CAPN10: variants seen among roughly 807,000 people sequenced by gnomAD.
CAPN10 encodes calpain-10.
CAPN10 carries 71 observed loss-of-function variants against 78.4 expected under a neutral mutation model. That is an observed-to-expected ratio of 0.91 (90% CI 0.75 to 1.10). CAPN10 has a LOEUF of 1.10. Among genes scored for constraint, CAPN10 ranks in the 50% least tolerant of loss-of-function variants. The probability of loss-of-function intolerance (pLI) is 0.00; values close to 1 mark genes in which losing one functional copy is unlikely to be tolerated. For missense variants in CAPN10, 849 were observed against 924.6 expected, an observed-to-expected ratio of 0.92 and a Z score of 1.06; for synonymous variants, 437 against 407.2, an observed-to-expected ratio of 1.07 and a Z score of -0.88.
rs200682095 is a variant in CAPN10, at chr2:240,595,045, G to A, written c.1019G>A (p.Arg340Gln). ...CTAGAGAGGCTGCTCTGCCATACGC[G>A]GGCGCTGCCTGGGGCCTGGGTCAAG... ...LYTERLLCHTRALPGAWVKGQ... is the reference protein window; with the variant it reads ...LYTERLLCHTQALPGAWVKGQ... Residue 340 changes from arginine (R) to glutamine (Q), a missense_variant, in exon 7 of 12, where the codon CGG (arginine) becomes CAG (glutamine). Physicochemically the swap from Arg to Gln is conservative, Grantham distance 43. Coordinates refer to ENST00000391984, the MANE Select transcript of CAPN10 (RefSeq NM_023083.4). 426 of 1,613,096 alleles carry A rather than the reference G, an allele frequency of 2.6e-4. No individual in the cohort carries two copies. The highest frequency in any genetic ancestry group is 3.4e-4 in the Non-Finnish European group (398 of 1,180,024).
rs1451794210 is a variant in CAPN10 at position 240,596,746 on chromosome 2, C to T, written c.1547C>T (p.Thr516Ile). 7 of 1,603,476 alleles carry T rather than the reference C, an allele frequency of 4.4e-6. No homozygotes were observed. In the Admixed American group the frequency reaches 1.2e-4, roughly 27 times the overall value. Residue 516 changes from threonine (T) to isoleucine (I), a missense_variant, in exon 9 of 12, where the codon ACC becomes ATC. Coordinates refer to ENST00000391984, the MANE Select transcript of CAPN10 (RefSeq NM_023083.4). The part of the protein sequence containing the change: ...GAALPAGEWG[T>I]VQLRGSWRVG... ...GCCCTGCCTGCGGGGGAGTGGGGGACCGTGCAGCTACGGGGTTCTTGGAGA... is the reference window on the plus strand; with the variant it reads ...GCCCTGCCTGCGGGGGAGTGGGGGATCGTGCAGCTACGGGGTTCTTGGAGA...
rs1224676682 is a variant in CAPN10, at chr2:240,591,120, C to G, written c.470+109C>G. ...TCACTCTGGGCTGCAGAGCCCCCTT[C>G]AGTTCTGAGGGTCTGGCAGCTCATT... is the stretch of plus-strand genomic sequence containing the variant. On this transcript the variant is annotated intron_variant, in intron 3 of 11. Coordinates refer to ENST00000391984, the MANE Select transcript of CAPN10 (RefSeq NM_023083.4). The G allele has an allele frequency of 1.9e-5, 19 of 975,332 alleles. 1 individual carries two copies. In the East Asian group the frequency reaches 3.9e-4, roughly 20 times the overall value. The allele number at this position is 975,332 out of a possible 1,614,324, so 60.4% of individuals were successfully genotyped here.
At chr2:240,593,079 G>T (rs1024532231) in intron 4 of CAPN10, among the ~76,000 whole-genome samples, 2 of 152,214 alleles carry the variant, frequency 1.3e-5, no homozygotes, top group Non-Finnish European at 2.9e-5. Context: ...CGCCAGCCCC[G>T]CTGGGGTGCC....
rs1233474213 is a variant in CAPN10 at position 240,587,046 on chromosome 2, GC to G, written c.139del (p.Gln47ArgfsTer19). 3 of 1,433,636 alleles carry G rather than the reference GC, an allele frequency of 2.1e-6. No homozygotes were observed. 88.8% of individuals were successfully genotyped at this position (1,433,636 alleles called of 1,614,324 possible). The part of the protein sequence containing the change: ...QFREDITWRR[P>X]QEICATPRLF... ...TCCGCGAGGACATCACGTGGAGGCG[GC>G]CCCAGGTGGGGCCGTGTGGGGTGCG... On this transcript the variant is annotated frameshift_variant, in exon 1 of 12. Coordinates refer to ENST00000391984, the MANE Select transcript of CAPN10 (RefSeq NM_023083.4). LOFTEE classifies it high-confidence loss of function.
At chr2:240,588,258 A>G (rs1291027075) in intron 1 of CAPN10, among the ~76,000 whole-genome samples, 1 of 151,600 alleles carries the variant, frequency 6.6e-6, no homozygotes, top group Non-Finnish European at 1.5e-5. Context: ...GTGGATACGG[A>G]GCAGGGATAG....
chr2:240,595,454 T>A, intron 7 of CAPN10, 150 bp downstream of exon 7: 1 of 811,366 alleles, frequency 1.2e-6, no homozygotes, highest in Non-Finnish European at 1.9e-6. Context: ...TTGCACGGGG[T>A]TGACGTCTGC....
intron 1 of CAPN10, among the ~76,000 whole-genome samples, chr2:240,587,319 T>C (rs1189873371): frequency 6.6e-6 from 1 of 152,232 alleles, no homozygotes; most frequent in African/African-American, 2.4e-5. Context: ...CTCAGAGCGC[T>C]GCGAGAGGCG....
At chr2:240,592,348 TTCTCTCCCC>T in intron 4 of CAPN10, 198 bp downstream of exon 4, 1 of 671,678 alleles carries the variant, frequency 1.5e-6, no homozygotes, top group Non-Finnish European at 2.8e-6. Flanking sequence ...GACGTGGCCC[TTCTCTCCCC>T]TGACCAGTCC....
chr2:240,597,503 G>A (rs1305909599), intron 9 of CAPN10, among the ~76,000 whole-genome samples: 1 of 152,232 alleles, frequency 6.6e-6, no homozygotes, highest in Non-Finnish European at 1.5e-5. Context: ...GGAAGGCACT[G>A]CAACCCTCGG....
At chr2:240,596,295 T>C (rs373039172) in intron 7 of CAPN10, 24 bp from the exon 8 acceptor site, 100 of 1,586,406 alleles carry the variant, frequency 6.3e-5, no homozygotes, top group Non-Finnish European at 6.2e-5. Context: ...TCCTCCACAC[T>C]GAGCCTCCTG....
rs375182428 is a variant in CAPN10 at position 240,597,876 on chromosome 2, C to A, written c.1744-12C>A. The A allele has an allele frequency of 1.9e-6, 3 of 1,579,506 alleles. No homozygotes were observed. The East Asian group carries it at 7.0e-5, about 37-fold the overall frequency. On this transcript the variant is annotated splice_polypyrimidine_tract_variant and intron_variant, in intron 9 of 11. Coordinates refer to ENST00000391984, the MANE Select transcript of CAPN10 (RefSeq NM_023083.4). ...GGCTGGCCCCCTCAGTCTGAGCCTGCGCTTTCCTCAGGTCCCAGAGGGTGG... is the reference window on the plus strand; with the variant it reads ...GGCTGGCCCCCTCAGTCTGAGCCTGAGCTTTCCTCAGGTCCCAGAGGGTGG...
chr2:240,596,132 G>A (rs1310777250), intron 7 of CAPN10, 187 bp from the exon 8 acceptor site: 1 of 1,511,304 alleles, frequency 6.6e-7, no homozygotes, highest in Non-Finnish European at 8.9e-7. Flanking sequence ...TGGCGCCAGG[G>A]CCAAGTGAAG....
chr2:240,592,494 G>A (rs192967632), intron 4 of CAPN10: 12 of 521,254 alleles, frequency 2.3e-5, no homozygotes, highest in East Asian at 1.1e-4. Flanking sequence ...GATAACATTC[G>A]TTAAAAACAG....
chr2:240,594,016 C>T lies in CAPN10; in HGVS notation c.799C>T (p.Arg267Trp), dbSNP rs775291536. 2.5e-5 allele frequency: 41 copies of T among 1,608,870 alleles called. No individual in the cohort carries two copies. Among genetic ancestry groups the T allele is most frequent in the Non-Finnish European group, 3.1e-5 (36 of 1,177,020 alleles). ...GCTGCGGATCCAGAACCCCTGGGGCCGGCGGTGCTGGCAGGGGCTCTGGAG... is the reference window on the plus strand; with the variant it reads ...GCTGCGGATCCAGAACCCCTGGGGCTGGCGGTGCTGGCAGGGGCTCTGGAG... ...LLLRIQNPWGRRCWQGLWREG... is the reference protein window; with the variant it reads ...LLLRIQNPWGWRCWQGLWREG... The change falls in exon 5 of 12, where the codon CGG becomes TGG. Residue 267 changes from arginine (R) to tryptophan (W), a missense_variant. Coordinates refer to ENST00000391984, the MANE Select transcript of CAPN10 (RefSeq NM_023083.4).
rs139964868 is a variant in CAPN10 at position 240,596,909 on chromosome 2, C to T, written c.1710C>T (p.Thr570=). ...TLHQHCRPSD[T]EFHPIGFHIF... ...ATCAGCACTGCCGGCCCAGTGACAC[C>T]GAGTTCCACCCCATCGGCTTCCATA... is the stretch of plus-strand genomic sequence containing the variant. Residue 570 remains threonine (T), a synonymous_variant, in exon 9 of 12, where the codon ACC becomes ACT. Transcript: ENST00000391984. 503 of 1,613,590 alleles carry T rather than the reference C, an allele frequency of 3.1e-4. 1 individual carries two copies. In the African/African-American group the frequency reaches 5.8e-3, roughly 19 times the overall value.
chr2:240,598,618 A>G (rs539081403), intron 11 of CAPN10, 33 bp from the exon 12 acceptor site: 1 of 1,566,802 alleles, frequency 6.4e-7, no homozygotes, highest in Non-Finnish European at 8.7e-7. Context: ...GGCGAGTGCC[A>G]CCGCTGCCCG....
At chr2:240,596,047 A>T (rs1366187969) in intron 7 of CAPN10, 2 of 1,510,834 alleles carry the variant, frequency 1.3e-6, no homozygotes, top group African/African-American at 2.8e-5. Flanking sequence ...AGCAGCCCCC[A>T]GGTTGCCTGG....
At chr2:240,587,683 G>C (rs1242593634) in intron 1 of CAPN10, among the ~76,000 whole-genome samples, 1 of 152,250 alleles carries the variant, frequency 6.6e-6, no homozygotes, top group Non-Finnish European at 1.5e-5. Flanking sequence ...GGAACTTCTG[G>C]GCTCTCGTGA....
intron 7 of CAPN10, chr2:240,595,929 GACAGGGTGTGAC>G (rs1453965165): frequency 7.5e-7 from 1 of 1,338,312 alleles, no homozygotes; most frequent in Admixed American, 2.2e-5. Flanking sequence ...TGTGTGTCTT[GACAGGGTGTGAC>G]ACTTGGCACC....
Sources: gnomAD v4.1 joint callset for allele counts (sites outside exome capture counted in the v4.1 genomes callset) on GRCh38, gnomAD v4.1.1 for gene constraint, MANE v1.5 for transcripts, NCBI Gene and HGNC (gene_info 2026-07-23, HGNC 2026-07-21) for gene names.